LIPG: variants seen among roughly 807,000 people sequenced by gnomAD.
LIPG encodes the protein lipase G, endothelial type, also known as endothelial lipase.
In LIPG, 34 loss-of-function variants were observed where a neutral mutation model predicts 51.8. That is an observed-to-expected ratio of 0.66 (90% CI 0.50 to 0.87). The LOEUF (loss-of-function observed/expected upper bound fraction) is 0.87, where lower values mean the gene tolerates loss of function less well. Ranked by LOEUF, LIPG falls within the 40% of genes least tolerant of loss-of-function variation. The pLI is 0.00. For synonymous variants in LIPG, 246 were observed against 246.1 expected (o/e 1.00, Z 0.00); for missense variants, 580 against 652.7 (o/e 0.89, Z 1.21).
chr18:49,591,060 C>T lies in LIPG; in HGVS notation c.*538C>T, dbSNP rs536432768. 3.9e-5 allele frequency: 7 copies of T among 180,650 alleles called. No homozygotes were observed. In the East Asian group the frequency reaches 5.4e-4, roughly 14 times the overall value. The allele number at this position is 180,650 out of a possible 1,614,324, so 11.2% of individuals were successfully genotyped here. A position where few individuals can be genotyped will look rare whatever the true frequency, so the allele number is the denominator to read the frequency against. ...CATACTGCTTACGTCTTAGCCATTC[C>T]GTCCTGCTCCCCAGCTCACTCTCTG... On this transcript the variant is annotated 3_prime_UTR_variant, in exon 10 of 10. Transcript: ENST00000261292.
At chr18:49,570,743 C>T (rs1213425325) in intron 4 of LIPG, among the ~76,000 whole-genome samples, 5 of 152,222 alleles carry the variant, frequency 3.3e-5, no homozygotes, top group African/African-American at 9.6e-5. Context: ...GCAGGAGAAT[C>T]GCTTGAACCA....
intron 3 of LIPG, among the ~76,000 whole-genome samples, chr18:49,568,959 C>T (rs1386366923): frequency 1.3e-5 from 2 of 152,136 alleles, no homozygotes; most frequent in Admixed American, 6.5e-5. Context: ...GACAATGCGT[C>T]AAGTCTGGGG....
At chr18:49,575,956 A>G (rs1262552451) in intron 5 of LIPG, among the ~76,000 whole-genome samples, 1 of 151,186 alleles carries the variant, frequency 6.6e-6, no homozygotes, top group Non-Finnish European at 1.5e-5. Context: ...CTCCTGACTC[A>G]GCCTCCTGAG....
upstream of LIPG, chr18:49,562,052 G>T (rs2084555075): frequency 6.9e-7 from 1 of 1,438,914 alleles, no homozygotes; most frequent in South Asian, 1.5e-5. Context: ...CTATAGGAGC[G>T]TGACAGCAGC....
At position 49,596,391 on chromosome 18, in the gene LIPG, T is replaced by C. The variant is rs2084982267; in HGVS notation, c.*5869T>C. 2 of 152,206 alleles carry C rather than the reference T, an allele frequency of 1.3e-5. No individual in the cohort carries two copies. 9.4% of individuals were successfully genotyped at this position (152,206 alleles called of 1,614,324 possible). ...GCTCACACCTGTAATCCCAGCACTT[T>C]GGGAGGCCGAGGTGGGTGGATCACC... On this transcript the variant is annotated 3_prime_UTR_variant, in exon 10 of 10. Coordinates refer to ENST00000261292, the MANE Select transcript of LIPG (RefSeq NM_006033.4).
In LIPG at chr18:49,583,723, G is replaced by A. The variant is rs372872369; in HGVS notation, c.1325G>A (p.Arg442Gln). ...SYLSQPRNPGRELNIRRIRVK... is the reference protein window; with the variant it reads ...SYLSQPRNPGQELNIRRIRVK... ...CTGTCTCAACCCCGCAACCCCGGACGGGAGCTGAATATCAGGCGCATCCGG... is the reference window on the plus strand; with the variant it reads ...CTGTCTCAACCCCGCAACCCCGGACAGGAGCTGAATATCAGGCGCATCCGG... The change falls in exon 8 of 10, where the codon CGG becomes CAG. Residue 442 changes from arginine (R) to glutamine (Q), a missense_variant. By Grantham distance (43) the Arg-to-Gln change is conservative (BLOSUM62 1). Coordinates refer to ENST00000261292, the MANE Select transcript of LIPG (RefSeq NM_006033.4). 4.6e-5 allele frequency: 75 copies of A among 1,614,074 alleles called. No homozygotes were observed. The Middle Eastern group carries it at 4.5e-3, about 97-fold the overall frequency.
intron 6 of LIPG, 142 bp downstream of exon 6, chr18:49,581,799 G>C: frequency 9.7e-7 from 1 of 1,030,808 alleles, no homozygotes; most frequent in Non-Finnish European, 1.5e-6. Flanking sequence ...AGATTACACT[G>C]TGCATGTCCT....
intron 9 of LIPG, chr18:49,590,280 G>A (rs1054747096): frequency 1.3e-4 from 84 of 656,560 alleles, no homozygotes; most frequent in Non-Finnish European, 2.2e-4. Context: ...GGGTGCTGCA[G>A]TGTGGTGTTT....
chr18:49,587,725 G>A (rs1187862122), intron 9 of LIPG, among the ~76,000 whole-genome samples: 1 of 151,994 alleles, frequency 6.6e-6, no homozygotes. Context: ...GACCCTACTG[G>A]CATGAGATCT....
chr18:49,577,050 G>C (rs1237355033), intron 5 of LIPG, among the ~76,000 whole-genome samples: 5 of 145,650 alleles, frequency 3.4e-5, no homozygotes, highest in African/African-American at 1.3e-4. Flanking sequence ...GATAATTCTT[G>C]GGTGTTTCTC....
chr18:49,571,512 G>A (rs1332084132), intron 4 of LIPG, among the ~76,000 whole-genome samples: 1 of 152,182 alleles, frequency 6.6e-6, no homozygotes, highest in East Asian at 1.9e-4. Context: ...GGAGCATGAT[G>A]CCCACATGCC....
intron 1 of LIPG, among the ~76,000 whole-genome samples, chr18:49,563,418 C>A (rs1408774439): frequency 6.6e-6 from 1 of 151,966 alleles, no homozygotes; most frequent in Non-Finnish European, 1.5e-5. Context: ...TGAGTCATTT[C>A]CTTCATTGCA....
intron 3 of LIPG, 67 bp downstream of exon 3, chr18:49,567,688 G>A: frequency 6.7e-7 from 1 of 1,502,746 alleles, no homozygotes; most frequent in Non-Finnish European, 9.2e-7. Context: ...CTTAAGAAAT[G>A]CAGGTCATGC....
chr18:49,577,983 A>C (rs1487487963), intron 5 of LIPG, among the ~76,000 whole-genome samples: 7 of 106,948 alleles, frequency 6.5e-5, no homozygotes, highest in East Asian at 2.9e-4. Flanking sequence ...TGACCCCCCC[A>C]CCTCCCTCCC....
chr18:49,569,751 T>C (rs2084644163), intron 4 of LIPG, among the ~76,000 whole-genome samples: 1 of 151,918 alleles, frequency 6.6e-6, no homozygotes, highest in African/African-American at 2.4e-5. Context: ...CCGCAGTATA[T>C]GAGACACAGA....
At chr18:49,566,099 C>T (rs1435487243) in intron 2 of LIPG, among the ~76,000 whole-genome samples, 1 of 152,242 alleles carries the variant, frequency 6.6e-6, no homozygotes, top group Admixed American at 6.5e-5. Context: ...TAATGACAGT[C>T]TGTAGGGAAA....
intron 4 of LIPG, among the ~76,000 whole-genome samples, chr18:49,570,848 A>C (rs559003380): frequency 1.3e-5 from 2 of 152,322 alleles, no homozygotes; most frequent in African/African-American, 4.8e-5. Flanking sequence ...AACAAAACTC[A>C]GGTAGAAGAG....
intron 8 of LIPG, among the ~76,000 whole-genome samples, chr18:49,585,489 C>T (rs1402385267): frequency 6.6e-6 from 1 of 152,172 alleles, no homozygotes; most frequent in African/African-American, 2.4e-5. Flanking sequence ...TGAAATTTAT[C>T]CAAAACATAA....
intron 3 of LIPG, 50 bp downstream of exon 3, chr18:49,567,671 C>T: frequency 6.3e-7 from 1 of 1,582,656 alleles, no homozygotes; most frequent in Non-Finnish European, 8.7e-7. Context: ...ATCTCAAACC[C>T]AATCTTCTTA....
Sources: allele counts gnomAD v4.1 joint callset (sites outside exome capture counted in the v4.1 genomes callset), GRCh38; gene constraint gnomAD v4.1.1; transcripts MANE v1.5; gene names NCBI Gene and HGNC (gene_info 2026-07-23, HGNC 2026-07-21).